Variants in HERPUD2 observed in about 807,000 individuals in gnomAD.
HERPUD2 encodes HERPUD family member 2, also known as homocysteine-responsive endoplasmic reticulum-resident ubiquitin-like domain member 2 protein.
Under a neutral mutation model 49.9 loss-of-function variants are expected in HERPUD2, and 13 were observed. The ratio of observed to expected loss-of-function variants is 0.26; its 90% CI spans 0.17 to 0.41. The LOEUF (loss-of-function observed/expected upper bound fraction) is 0.41, where lower values mean the gene tolerates loss of function less well. Ranked by LOEUF, HERPUD2 falls within the 10% of genes least tolerant of loss-of-function variation. The probability of loss-of-function intolerance (pLI) is 1.00; values close to 1 mark genes in which losing one functional copy is unlikely to be tolerated. For synonymous variants in HERPUD2, 172 were observed against 171.4 expected, an observed-to-expected ratio of 1.00 and a Z score of -0.03; for missense variants, 449 against 492.2, an observed-to-expected ratio of 0.91 and a Z score of 0.83.
At chr7:35,678,169 A>C (rs541310679) in intron 2 of HERPUD2, among the ~76,000 whole-genome samples, 8 of 152,300 alleles carry the variant, frequency 5.3e-5, no homozygotes, top group Middle Eastern at 3.4e-3. Flanking sequence ...TTCATTATGC[A>C]TAAGAACATG....
chr7:35,693,453 AT>A (rs1170210452), intron 2 of HERPUD2, among the ~76,000 whole-genome samples: 2 of 152,194 alleles, frequency 1.3e-5, no homozygotes, highest in Admixed American at 6.5e-5. Flanking sequence ...AGAAAAAAAA[AT>A]CTTCAATTTC....
chr7:35,675,432 A>G (rs1477912086), intron 2 of HERPUD2, among the ~76,000 whole-genome samples: 1 of 152,220 alleles, frequency 6.6e-6, no homozygotes, highest in Non-Finnish European at 1.5e-5. Context: ...ATAAATCTCT[A>G]TAATGTACTT....
At chr7:35,684,753 G>A (rs1785996769) in intron 2 of HERPUD2, among the ~76,000 whole-genome samples, 1 of 152,198 alleles carries the variant, frequency 6.6e-6, no homozygotes, top group Admixed American at 6.5e-5. Context: ...GGGAAAGGGT[G>A]AGAAGGGGGT....
chr7:35,646,518 C>T (rs1350594740), intron 5 of HERPUD2, among the ~76,000 whole-genome samples: 1 of 152,120 alleles, frequency 6.6e-6, no homozygotes, highest in Non-Finnish European at 1.5e-5. Flanking sequence ...GCTATGATGG[C>T]ACCACCACAC....
chr7:35,679,964 A>T (rs983529634), intron 2 of HERPUD2, among the ~76,000 whole-genome samples: 1 of 152,106 alleles, frequency 6.6e-6, no homozygotes, highest in African/African-American at 2.4e-5. Context: ...CTCTATCTCC[A>T]AAAGTTCCTC....
chr7:35,679,256 T>C (rs1583566348), intron 2 of HERPUD2, among the ~76,000 whole-genome samples: 1 of 152,322 alleles, frequency 6.6e-6, no homozygotes, highest in African/African-American at 2.4e-5. Flanking sequence ...CCCAGAACTA[T>C]GGGTCCCACG....
chr7:35,681,032 G>GA (rs1785878383), intron 2 of HERPUD2, among the ~76,000 whole-genome samples: 2 of 152,028 alleles, frequency 1.3e-5, no homozygotes, highest in Admixed American at 1.3e-4. Context: ...ATGTAATCGT[G>GA]AAAAACAGAA....
chr7:35,682,205 ATT>A lies in HERPUD2; in HGVS notation c.148-8929_148-8928del, dbSNP rs1785905701. ...AGGCATGCGTTATCACGCCTGGCTA[ATT>A]TTTGTGTGTGTGTGTGTATATATAG... On this transcript the variant is annotated intron_variant, in intron 2 of 8. Transcript: ENST00000311350. Among the ~76,000 whole-genome samples, 16 of 145,798 alleles carry A rather than the reference ATT, an allele frequency of 1.1e-4. No individual in the cohort carries two copies. The South Asian group carries it at 1.1e-3, about 10-fold the overall frequency.
rs1374029903 is a variant in HERPUD2 at position 35,633,775 on chromosome 7, G to C, written c.1136C>G (p.Pro379Arg). The change falls in exon 9 of 9, where the codon CCT becomes CGT. Residue 379 changes from proline to arginine, a missense_variant. Pro to Arg is a moderately radical substitution (Grantham distance 103, BLOSUM62 -2). Transcript: ENST00000311350. Reference sequence around the variant, plus strand: ...AGACCAAGCTGAAGCCATTAATCCAGGCCTTTGAATTGCACTGGCATCTTC... The same window carrying C: ...AGACCAAGCTGAAGCCATTAATCCACGCCTTTGAATTGCACTGGCATCTTC... ...GGEDASAIQR[P>R]GLMASAWSFI... The C allele has an allele frequency of 1.2e-6, 2 of 1,613,886 alleles. No individual in the cohort carries two copies. The highest frequency in any genetic ancestry group is 2.7e-5 in the African/African-American group (2 of 74,872).
intron 5 of HERPUD2, among the ~76,000 whole-genome samples, chr7:35,646,786 T>G (rs10273932): frequency 0.64 from 97,949 of 151,910 alleles, 32,774 homozygotes; most frequent in African/African-American, 0.83. Context: ...CCCTAGGAAA[T>G]TCACAATGAG....
intron 6 of HERPUD2, 96 bp from the exon 7 acceptor site, chr7:35,635,554 A>ATGT (rs1784858266): frequency 1.2e-5 from 12 of 1,018,478 alleles, no homozygotes; most frequent in Non-Finnish European, 1.7e-5. Flanking sequence ...TATTTTTCAT[A>ATGT]AACCTAATAT....
At chr7:35,672,464 T>A (rs1785663230) in intron 3 of HERPUD2, among the ~76,000 whole-genome samples, 1 of 151,924 alleles carries the variant, frequency 6.6e-6, no homozygotes, top group South Asian at 2.1e-4. Flanking sequence ...AAGTTTCCCA[T>A]AGGTGATCAT....
chr7:35,675,853 C>G (rs1785748879), intron 2 of HERPUD2, among the ~76,000 whole-genome samples: 1 of 152,156 alleles, frequency 6.6e-6, no homozygotes, highest in African/African-American at 2.4e-5. Context: ...GTACACACTG[C>G]AGCCCCGAAC....
Position 35,694,283 on chromosome 7 carries a change from T to A in HERPUD2, c.48A>T (p.Ala16=). ...MEIPVTLIIK[A]PNQKYSDQTI... ...TCTGGTCACTGTATTTCTGATTCGG[T>A]GCTTTAATGATGAGGGTCACAGGAA... The change falls in exon 2 of 9, where the codon GCA becomes GCT. Residue 16 remains alanine (A), a synonymous_variant. Transcript: ENST00000311350. 6.2e-7 allele frequency: 1 copy of A among 1,614,106 alleles called. No homozygotes were observed. Among genetic ancestry groups the A allele is most frequent in the African/African-American group, 1.3e-5 (1 of 75,034 alleles).
At chr7:35,660,206 C>T (rs1479104661) in intron 5 of HERPUD2, among the ~76,000 whole-genome samples, 4 of 152,182 alleles carry the variant, frequency 2.6e-5, no homozygotes, top group Non-Finnish European at 5.9e-5. Context: ...AGGACATCAA[C>T]GTATCCTTTT....
chr7:35,679,476 T>C lies in HERPUD2; in HGVS notation c.148-6198A>G, dbSNP rs545284727. Among the ~76,000 whole-genome samples, 7 of 152,250 alleles carry C rather than the reference T, an allele frequency of 4.6e-5. No individual in the cohort carries two copies. In the East Asian group the frequency reaches 1.2e-3, roughly 25 times the overall value. On this transcript the variant is annotated intron_variant, in intron 2 of 8. Coordinates refer to ENST00000311350, the MANE Select transcript of HERPUD2 (RefSeq NM_022373.5). ...TCAGCAGTAGGAGGAAAAGATGCAA[T>C]AGCACCCAGCAAAAGTTTCTGACTT... is the stretch of plus-strand genomic sequence containing the variant.
intron 2 of HERPUD2, among the ~76,000 whole-genome samples, chr7:35,685,736 G>A (rs1786025322): frequency 6.6e-6 from 1 of 152,028 alleles, no homozygotes; most frequent in African/African-American, 2.4e-5. Context: ...CCAGCACTTT[G>A]GGAGGCCCAG....
At chr7:35,637,933 T>C (rs1000341804) in intron 6 of HERPUD2, among the ~76,000 whole-genome samples, 1 of 152,188 alleles carries the variant, frequency 6.6e-6, no homozygotes, top group Non-Finnish European at 1.5e-5. Context: ...CTAGGACTGT[T>C]CCATGCTGAC....
chr7:35,686,769 G>A (rs1435384699), intron 2 of HERPUD2, among the ~76,000 whole-genome samples: 1 of 123,578 alleles, frequency 8.1e-6, no homozygotes, highest in African/African-American at 3.0e-5. Context: ...CAGGCCAGGG[G>A]TGGTGGCTCA....
Sources: allele counts gnomAD v4.1 joint callset (sites outside exome capture counted in the v4.1 genomes callset), GRCh38; gene constraint gnomAD v4.1.1; transcripts MANE v1.5; gene names NCBI Gene and HGNC (gene_info 2026-07-23, HGNC 2026-07-21).